The following CDH12 variants were observed in gnomAD, a reference collection of about 807,000 sequenced individuals.
CDH12 encodes cadherin-12.
CDH12 carries 41 observed loss-of-function variants against 74.1 expected under a neutral mutation model. The ratio of observed to expected loss-of-function variants is 0.55; its 90% CI spans 0.43 to 0.72. CDH12 has a LOEUF of 0.72. CDH12 is among the 30% of genes least tolerant of loss of function. CDH12 has a pLI of 0.00. For missense variants in CDH12, 945 were observed against 977.2 expected (o/e 0.97, Z 0.44); for synonymous variants, 399 against 355.0 (o/e 1.12, Z -1.39).
intron 8 of CDH12, among the ~76,000 whole-genome samples, chr5:21,823,929 A>G (rs1748514943): frequency 6.6e-6 from 1 of 152,090 alleles, no homozygotes; most frequent in Non-Finnish European, 1.5e-5. Context: ...CTGTCGGGGT[A>G]TGCTTTGTCT....
At chr5:22,219,198 A>T (rs1278072706) in intron 3 of CDH12, among the ~76,000 whole-genome samples, 1 of 151,758 alleles carries the variant, frequency 6.6e-6, no homozygotes, top group Non-Finnish European at 1.5e-5. Flanking sequence ...ACAATAAATT[A>T]CGAGAAATTA....
Position 22,532,379 on chromosome 5 carries a change from G to GTATGTATACATATACATATATATATA in CDH12, c.-522-27016_-522-27015insTATATATATATGTATATGTATACATA, listed in dbSNP as rs1737633711. Among the ~76,000 whole-genome samples the GTATGTATACATATACATATATATATA allele has an allele frequency of 2.2e-4, 5 of 22,636 alleles. 1 individual carries two copies. The highest frequency in any genetic ancestry group is 7.3e-4 in the African/African-American group (5 of 6,852). The allele number at this position is 22,636 out of a possible 152,430, so 14.9% of individuals were successfully genotyped here. A position where few individuals can be genotyped will look rare whatever the true frequency, so the allele number is the denominator to read the frequency against. Reference sequence around the variant, plus strand: ...TATATATATATATATATATATATATGTATGTATCCTATTTTGCTCCTATCC... The same window carrying GTATGTATACATATACATATATATATA: ...TATATATATATATATATATATATATGTATGTATACATATACATATATATATATATGTATCCTATTTTGCTCCTATCC... On this transcript the variant is annotated intron_variant, in intron 1 of 14. Coordinates refer to ENST00000382254, the MANE Select transcript of CDH12 (RefSeq NM_004061.5).
At chr5:22,698,991 G>GA (rs1200719837) in intron 1 of CDH12, among the ~76,000 whole-genome samples, 10 of 151,692 alleles carry the variant, frequency 6.6e-5, no homozygotes, top group Non-Finnish European at 1.5e-4. Context: ...TCTGTGAACA[G>GA]AATGCATAAG....
At chr5:22,584,140 G>A (rs1442975707) in intron 1 of CDH12, among the ~76,000 whole-genome samples, 2 of 150,874 alleles carry the variant, frequency 1.3e-5, no homozygotes, top group East Asian at 2.0e-4. Context: ...TTGCTCTGTC[G>A]CCAGGCTGGA....
chr5:22,226,235 A>G (rs1318891522), intron 3 of CDH12, among the ~76,000 whole-genome samples: 1 of 151,996 alleles, frequency 6.6e-6, no homozygotes, highest in East Asian at 1.9e-4. Flanking sequence ...GATGATCCCA[A>G]TGACCCTCCC....
At chr5:22,743,676 CTT>C (rs1288447329) in intron 1 of CDH12, among the ~76,000 whole-genome samples, 2 of 152,154 alleles carry the variant, frequency 1.3e-5, no homozygotes, top group Admixed American at 6.5e-5. Context: ...ACTTTTATGA[CTT>C]ATATATTAAA....
intron 3 of CDH12, among the ~76,000 whole-genome samples, chr5:22,319,758 T>C (rs942478990): frequency 7.9e-5 from 12 of 152,066 alleles, no homozygotes; most frequent in Admixed American, 6.6e-4. Flanking sequence ...TATCACCCTT[T>C]CCATTGGGAT....
At position 22,821,901 on chromosome 5, in the gene CDH12, C is replaced by G. The variant is rs1278093549; in HGVS notation, c.-523+31157G>C. On this transcript the variant is annotated intron_variant, in intron 1 of 14. Transcript: ENST00000382254. ...AACTACTTTAAAGTTCATATGGAAC[C>G]AAAAAAGAGCCTGCATTGCCAAGTC... Among the ~76,000 whole-genome samples, 923 of 151,286 alleles carry G rather than the reference C, an allele frequency of 6.1e-3. 30 individuals carry two copies. The highest frequency in any genetic ancestry group is 0.055 in the Admixed American group (832 of 15,176).
intron 7 of CDH12, 39 bp from the exon 8 acceptor site, chr5:21,842,367 A>G: frequency 7.2e-7 from 1 of 1,382,850 alleles, no homozygotes; most frequent in Non-Finnish European, 1.0e-6. Context: ...TAAATATCAC[A>G]AATGCTCTGT....
intron 3 of CDH12, among the ~76,000 whole-genome samples, chr5:22,361,291 C>G (rs1213423748): frequency 1.3e-5 from 2 of 152,004 alleles, no homozygotes; most frequent in African/African-American, 4.8e-5. Flanking sequence ...TAATAACAGA[C>G]AAACAGAGAG....
chr5:22,084,787 A>C (rs971530009), intron 4 of CDH12, among the ~76,000 whole-genome samples: 2 of 152,140 alleles, frequency 1.3e-5, no homozygotes, highest in Admixed American at 6.6e-5. Context: ...ATGCAAGGAG[A>C]TTGAAGGACT....
At chr5:22,800,866 G>A (rs139641050) in intron 1 of CDH12, among the ~76,000 whole-genome samples, 47 of 151,880 alleles carry the variant, frequency 3.1e-4, no homozygotes, top group African/African-American at 9.7e-4. Flanking sequence ...GTCTTTTCAC[G>A]GCTCGATAGA....
intron 2 of CDH12, among the ~76,000 whole-genome samples, chr5:22,434,060 G>T (rs191768945): frequency 6.6e-6 from 1 of 152,198 alleles, no homozygotes; most frequent in Admixed American, 6.6e-5. Flanking sequence ...CTTTTATATG[G>T]TAAGTTTCCA....
intron 1 of CDH12, among the ~76,000 whole-genome samples, chr5:22,597,187 CT>C (rs1736644245): frequency 6.6e-6 from 1 of 152,150 alleles, no homozygotes; most frequent in Non-Finnish European, 1.5e-5. Context: ...TTCAGCAATA[CT>C]CTCCCATTTT....
chr5:22,522,958 C>CT (rs768086571), intron 1 of CDH12, among the ~76,000 whole-genome samples: 1 of 152,144 alleles, frequency 6.6e-6, no homozygotes, highest in Non-Finnish European at 1.5e-5. Context: ...CCCTGGACAA[C>CT]TTTGCCATCC....
intron 3 of CDH12, among the ~76,000 whole-genome samples, chr5:22,294,498 A>G (rs1252819606): frequency 6.6e-6 from 1 of 152,192 alleles, no homozygotes; most frequent in East Asian, 1.9e-4. Flanking sequence ...AAAGGCATGA[A>G]TGCTTAAGGG....
chr5:22,718,560 G>A (rs1335648339), intron 1 of CDH12, among the ~76,000 whole-genome samples: 1 of 152,158 alleles, frequency 6.6e-6, no homozygotes, highest in African/African-American at 2.4e-5. Flanking sequence ...CTGAGAGAGA[G>A]AGCCCTGTTA....
At chr5:22,568,990 C>T (rs185792309) in intron 1 of CDH12, among the ~76,000 whole-genome samples, 31 of 152,232 alleles carry the variant, frequency 2.0e-4, no homozygotes, top group African/African-American at 6.3e-4. Flanking sequence ...TAAAGGTTGT[C>T]GCAGCTGTGA....
intron 2 of CDH12, among the ~76,000 whole-genome samples, chr5:22,410,243 G>T (rs1421318364): frequency 6.6e-6 from 1 of 151,962 alleles, no homozygotes; most frequent in African/African-American, 2.4e-5. Flanking sequence ...CCCAAGGTAG[G>T]TCATAAAAAC....
Sources: gnomAD v4.1 joint callset for allele counts (sites outside exome capture counted in the v4.1 genomes callset) on GRCh38, gnomAD v4.1.1 for gene constraint, MANE v1.5 for transcripts, NCBI Gene and HGNC (gene_info 2026-07-23, HGNC 2026-07-21) for gene names.